The following LDOC1 variants were observed in gnomAD, a reference collection of about 807,000 sequenced individuals.
The protein encoded by LDOC1 is protein LDOC1.
A neutral mutation model predicts 4.9 loss-of-function variants in LDOC1; 1 was observed. The ratio of observed to expected loss-of-function variants is 0.20; its 90% CI spans 0.07 to 0.96. The LOEUF is 0.96. LDOC1 is among the 40% of genes least tolerant of loss of function. The pLI, the probability that LDOC1 is intolerant of heterozygous loss-of-function variation, is 0.62. For missense variants in LDOC1, 76 were observed against 128.1 expected, an observed-to-expected ratio of 0.59 and a Z score of 1.96; for synonymous variants, 55 against 58.3, an observed-to-expected ratio of 0.94 and a Z score of 0.26.
Position 141,177,037 on chromosome X carries a change from A to G in LDOC1, c.-16T>C, listed in dbSNP as rs1556283606. On this transcript the variant is annotated 5_prime_UTR_variant, in exon 1 of 1. Coordinates refer to ENST00000370526, the MANE Select transcript of LDOC1 (RefSeq NM_012317.4). ...CATCCACCATTGCGAACGGCCTGGA[A>G]GGACAGGACTCGGCTCGGTTCGGCT... is the stretch of plus-strand genomic sequence containing the variant. 1 of 1,159,625 alleles carries G rather than the reference A, an allele frequency of 8.6e-7. No homozygotes were observed. Among genetic ancestry groups the G allele is most frequent in the South Asian group, 1.9e-5 (1 of 53,500 alleles).
rs1409487653 is a variant in LDOC1, at chrX:141,176,961, T to C, written c.61A>G (p.Ile21Val). The C allele has an allele frequency of 1.7e-6, 2 of 1,209,146 alleles. No homozygotes were observed. Among genetic ancestry groups the C allele is most frequent in the Admixed American group, 2.2e-5 (1 of 45,902 alleles). ...ALLMRHRALSIENSQLMEQLR... is the reference protein window; with the variant it reads ...ALLMRHRALSVENSQLMEQLR... ...TGTTCCATGAGCTGGCTGTTCTCGA[T>C]GCTCAGGGCGCGGTGCCGCATCAGG... The change falls in exon 1 of 1, where the codon ATC becomes GTC. Residue 21 changes from isoleucine to valine, a missense_variant. Coordinates refer to ENST00000370526, the MANE Select transcript of LDOC1 (RefSeq NM_012317.4).
chrX:141,176,729 C>T lies in LDOC1; in HGVS notation c.293G>A (p.Gly98Glu). The T allele has an allele frequency of 8.3e-7, 1 of 1,210,901 alleles. No individual in the cohort carries two copies. Among genetic ancestry groups the T allele is most frequent in the East Asian group, 3.0e-5 (1 of 33,741 alleles). The change falls in exon 1 of 1, where the codon GGG (glycine) becomes GAG (glutamate). Residue 98 changes from glycine to glutamate, a missense_variant. Coordinates refer to ENST00000370526, the MANE Select transcript of LDOC1 (RefSeq NM_012317.4). ...GGGCACCACCCACTCCTCGGCTTCCCCGGTGAGGAGGCTGATTAGGAATGC... is the reference window on the plus strand; with the variant it reads ...GGGCACCACCCACTCCTCGGCTTCCTCGGTGAGGAGGCTGATTAGGAATGC... ...KVAFLISLLT[G>E]EAEEWVVPYI...
In LDOC1 at chrX:141,177,109, A is replaced by G. The variant is rs1602711558; in HGVS notation, c.-88T>C. On this transcript the variant is annotated 5_prime_UTR_variant, in exon 1 of 1. Transcript: ENST00000370526. ...CCTCGCAGGAAGTGCGTGTCCACGG[A>G]GGCGCTTGGTGGCCAGGGGCGGGGG... The G allele has an allele frequency of 1.1e-4, 35 of 317,303 alleles. No homozygotes were observed. Among genetic ancestry groups the G allele is most frequent in the South Asian group, 5.3e-4 (5 of 9,491 alleles). The allele number at this position is 317,303 out of a possible 1,213,427, so 26.1% of individuals were successfully genotyped here. A position where few individuals can be genotyped will look rare whatever the true frequency, so the allele number is the denominator to read the frequency against.
chrX:141,173,488 TCC>T lies in LDOC1; in HGVS notation c.*3091_*3092del, dbSNP rs1556282497. The T allele has an allele frequency of 9.0e-6, 1 of 111,645 alleles. No homozygotes were observed. Among genetic ancestry groups the T allele is most frequent in the Non-Finnish European group, 1.9e-5 (1 of 53,205 alleles). The allele number at this position is 111,645 out of a possible 1,213,427, so 9.2% of individuals were successfully genotyped here. On this transcript the variant is annotated 3_prime_UTR_variant, in exon 1 of 1. Coordinates refer to ENST00000370526, the MANE Select transcript of LDOC1 (RefSeq NM_012317.4). ...GCTTTATGCCATTATCATGAATTCC[TCC>T]CTGGGTGGTGGAGCCCTTGCCAGTA...
At position 141,176,843 on chromosome X, in the gene LDOC1, T is replaced by C; in HGVS notation, c.179A>G (p.Glu60Gly). 8.3e-7 allele frequency: 1 copy of C among 1,211,785 alleles called. No homozygotes were observed. The highest frequency in any genetic ancestry group is 1.1e-6 in the Non-Finnish European group (1 of 895,514). The change falls in exon 1 of 1, where the codon GAG becomes GGG. Residue 60 changes from glutamate (E) to glycine (G), a missense_variant. Coordinates refer to ENST00000370526, the MANE Select transcript of LDOC1 (RefSeq NM_012317.4). ...PVPFPETFNGESSRLPEFIVQ... is the reference protein window; with the variant it reads ...PVPFPETFNGGSSRLPEFIVQ... Reference sequence around the variant, plus strand: ...GATAAACTCGGGGAGCCGGGAGCTCTCGCCATTAAACGTTTCGGGGAAGGG... The same window carrying C: ...GATAAACTCGGGGAGCCGGGAGCTCCCGCCATTAAACGTTTCGGGGAAGGG...
In LDOC1 at chrX:141,174,808, A is replaced by T. The variant is rs184637017; in HGVS notation, c.*1773T>A. Among the ~76,000 whole-genome samples, 3 of 112,473 alleles carry T rather than the reference A, an allele frequency of 2.7e-5. No homozygotes were observed. Among genetic ancestry groups the T allele is most frequent in the African/African-American group, 6.4e-5 (2 of 31,015 alleles). On this transcript the variant is annotated 3_prime_UTR_variant, in exon 1 of 1. Transcript: ENST00000370526. The stretch of plus-strand genomic sequence containing the variant: ...GTGTTATCTAAATTAATTAAAGGTT[A>T]TAAAGTCAAGTTGGCTCCAGACATG...
Position 141,174,734 on chromosome X carries a change from A to G in LDOC1, c.*1847T>C, listed in dbSNP as rs782173972. Among the ~76,000 whole-genome samples, 3 of 112,561 alleles carry G rather than the reference A, an allele frequency of 2.7e-5. No homozygotes were observed. Among genetic ancestry groups the G allele is most frequent in the Non-Finnish European group, 3.7e-5 (2 of 53,353 alleles). On this transcript the variant is annotated 3_prime_UTR_variant, in exon 1 of 1. Coordinates refer to ENST00000370526, the MANE Select transcript of LDOC1 (RefSeq NM_012317.4). ...CATTTAATCAACACTGAGGTTTACC[A>G]GTACAAATACAATATCTTGCCTCAA...
chrX:141,174,129 C>T lies in LDOC1; in HGVS notation c.*2452G>A, dbSNP rs1189651062. The stretch of plus-strand genomic sequence containing the variant: ...CTAGTTAGGAAGAAAGTGTAATTAT[C>T]TGGCCTCACACATATTATGTCTCAA... On this transcript the variant is annotated 3_prime_UTR_variant, in exon 1 of 1. Transcript: ENST00000370526. Among the ~76,000 whole-genome samples the T allele has an allele frequency of 8.9e-6, 1 of 111,986 alleles. No individual in the cohort carries two copies. The highest frequency in any genetic ancestry group is 1.9e-5 in the Non-Finnish European group (1 of 53,236).
At position 141,176,325 on chromosome X, in the gene LDOC1, C is replaced by T. The variant is rs1186379766; in HGVS notation, c.*256G>A. ...AGCAGGGGAGGGATCCCGGGGATGG[C>T]CAGGGTAGATGACACTTCCAAGCAC... On this transcript the variant is annotated 3_prime_UTR_variant, in exon 1 of 1. Transcript: ENST00000370526. The T allele has an allele frequency of 2.4e-6, 1 of 419,637 alleles. No individual in the cohort carries two copies. The highest frequency in any genetic ancestry group is 4.1e-6 in the Non-Finnish European group (1 of 241,516). 34.6% of individuals were successfully genotyped at this position (419,637 alleles called of 1,213,427 possible). A position where few individuals can be genotyped will look rare whatever the true frequency, so the allele number is the denominator to read the frequency against.
chrX:141,175,967 G>A lies in LDOC1; in HGVS notation c.*614C>T, dbSNP rs2013610274. 2 of 113,866 alleles carry A rather than the reference G, an allele frequency of 1.8e-5. No homozygotes were observed. The highest frequency in any genetic ancestry group is 3.7e-5 in the Non-Finnish European group (2 of 54,161). The allele number at this position is 113,866 out of a possible 1,213,427, so 9.4% of individuals were successfully genotyped here. A position where few individuals can be genotyped will look rare whatever the true frequency, so the allele number is the denominator to read the frequency against. On this transcript the variant is annotated 3_prime_UTR_variant, in exon 1 of 1. Coordinates refer to ENST00000370526, the MANE Select transcript of LDOC1 (RefSeq NM_012317.4). ...CAACAATTTGGCTGCCAGGCACACC[G>A]CGCCCCTGCAGCAATCTGGTGGGGC...
chrX:141,175,314 G>T lies in LDOC1; in HGVS notation c.*1267C>A, dbSNP rs192505736. On this transcript the variant is annotated 3_prime_UTR_variant, in exon 1 of 1. Transcript: ENST00000370526. ...TTGAAAGTGACAATCTACTATGTTG[G>T]CTCTCTGGAGTCTGAACTCAACAGC... 8.9e-6 allele frequency among the ~76,000 whole-genome samples: 1 copy of T among 112,107 alleles called. No individual in the cohort carries two copies. Among genetic ancestry groups the T allele is most frequent in the Non-Finnish European group, 1.9e-5 (1 of 53,249 alleles).
Position 141,176,677 on chromosome X carries a change from T to C in LDOC1, c.345A>G (p.Leu115=), listed in dbSNP as rs782115373. Residue 115 remains leucine (L), a synonymous_variant, in exon 1 of 1, where the codon CTA becomes CTG. Coordinates refer to ENST00000370526, the MANE Select transcript of LDOC1 (RefSeq NM_012317.4). ...CATCGAGGAAGGCCCGGTAATCACC[T>C]AGGATGGGGCTATCCATCTCGATGT... ...VPYIEMDSPI[L]GDYRAFLDEM... The C allele has an allele frequency of 1.5e-4, 182 of 1,210,579 alleles. 3 individuals are homozygous for C. In the South Asian group the frequency reaches 2.9e-3, roughly 19 times the overall value.
In LDOC1 at chrX:141,176,683, G is replaced by A. The variant is rs782706476; in HGVS notation, c.339C>T (p.Pro113=). The A allele has an allele frequency of 1.2e-5, 14 of 1,212,132 alleles. No individual in the cohort carries two copies. In the South Asian group the frequency reaches 2.5e-4, roughly 21 times the overall value. The change falls in exon 1 of 1, where the codon CCC becomes CCT. Residue 113 remains proline, a synonymous_variant. Transcript: ENST00000370526. ...GGAAGGCCCGGTAATCACCTAGGAT[G>A]GGGCTATCCATCTCGATGTAGGGCA... is the stretch of plus-strand genomic sequence containing the variant. ...WVVPYIEMDS[P]ILGDYRAFLD... is the part of the protein sequence containing the mutation.
In LDOC1 at chrX:141,176,572, G is replaced by C. The variant is rs782578628; in HGVS notation, c.*9C>G. 6.7e-6 allele frequency: 8 copies of C among 1,197,522 alleles called. No homozygotes were observed. Among genetic ancestry groups the C allele is most frequent in the African/African-American group, 3.5e-5 (2 of 56,780 alleles). On this transcript the variant is annotated 3_prime_UTR_variant, in exon 1 of 1. Transcript: ENST00000370526. ...GGGCCCTCCCCCCCGAGGCCCGAGGGTCGAGGGCCTAATAATCATCCTCCT... is the reference window on the plus strand; with the variant it reads ...GGGCCCTCCCCCCCGAGGCCCGAGGCTCGAGGGCCTAATAATCATCCTCCT...
At position 141,176,448 on chromosome X, in the gene LDOC1, G is replaced by A; in HGVS notation, c.*133C>T. The stretch of plus-strand genomic sequence containing the variant: ...AGCACTACGGAGAAATGAAGAGAGA[G>A]AGCAGACGGGCGCGGGTAGGTAAGG... On this transcript the variant is annotated 3_prime_UTR_variant, in exon 1 of 1. Transcript: ENST00000370526. 1 of 772,904 alleles carries A rather than the reference G, an allele frequency of 1.3e-6. No homozygotes were observed. Among genetic ancestry groups the A allele is most frequent in the East Asian group, 3.5e-5 (1 of 28,730 alleles). The allele number at this position is 772,904 out of a possible 1,213,427, so 63.7% of individuals were successfully genotyped here.
In LDOC1 at chrX:141,174,587, A is replaced by G. The variant is rs2013597542; in HGVS notation, c.*1994T>C. ...TTCTGAGACTTCTGTTCCCTGGCCC[A>G]GGAGTAACAGCCCATGGTTTGCTGA... On this transcript the variant is annotated 3_prime_UTR_variant, in exon 1 of 1. Coordinates refer to ENST00000370526, the MANE Select transcript of LDOC1 (RefSeq NM_012317.4). Among the ~76,000 whole-genome samples the G allele has an allele frequency of 8.9e-6, 1 of 111,871 alleles. No homozygotes were observed. Among genetic ancestry groups the G allele is most frequent in the Admixed American group, 9.5e-5 (1 of 10,476 alleles).
chrX:141,176,389 A>G lies in LDOC1; in HGVS notation c.*192T>C. 9.5e-6 allele frequency: 5 copies of G among 527,769 alleles called. No individual in the cohort carries two copies. Among genetic ancestry groups the G allele is most frequent in the Non-Finnish European group, 1.5e-5 (5 of 332,638 alleles). The allele number at this position is 527,769 out of a possible 1,213,427, so 43.5% of individuals were successfully genotyped here. ...AGGCTCCAGCCCCGACCCCAGCAGC[A>G]GGTAACTGGAGCGCTATTCCTGGAA... On this transcript the variant is annotated 3_prime_UTR_variant, in exon 1 of 1. Coordinates refer to ENST00000370526, the MANE Select transcript of LDOC1 (RefSeq NM_012317.4).
chrX:141,176,873 G>C lies in LDOC1; in HGVS notation c.149C>G (p.Pro50Arg). 5.0e-6 allele frequency: 6 copies of C among 1,211,643 alleles called. No individual in the cohort carries two copies. The highest frequency in any genetic ancestry group is 6.7e-6 in the Non-Finnish European group (6 of 895,478). Residue 50 changes from proline (P) to arginine (R), a missense_variant, in exon 1 of 1, where the codon CCG becomes CGG. Pro to Arg is a moderately radical substitution (Grantham distance 103). Transcript: ENST00000370526. The stretch of plus-strand genomic sequence containing the variant: ...ATTAAACGTTTCGGGGAAGGGCACC[G>C]GGCAGCTCGGCGGACGTACCTGGCG... ...LLRQVRPPSCPVPFPETFNGE... is the reference protein window; with the variant it reads ...LLRQVRPPSCRVPFPETFNGE...
At position 141,175,011 on chromosome X, in the gene LDOC1, C is replaced by A. The variant is rs1228397741; in HGVS notation, c.*1570G>T. On this transcript the variant is annotated 3_prime_UTR_variant, in exon 1 of 1. Transcript: ENST00000370526. ...AGGTATGCAGCTTCTTCTCAGCAGCCACCCCCTTCACTGCTCTGAACCCTC... is the reference window on the plus strand; with the variant it reads ...AGGTATGCAGCTTCTTCTCAGCAGCAACCCCCTTCACTGCTCTGAACCCTC... Among the ~76,000 whole-genome samples the A allele has an allele frequency of 2.7e-5, 3 of 111,406 alleles. No homozygotes were observed. The highest frequency in any genetic ancestry group is 9.8e-5 in the African/African-American group (3 of 30,619).
Sources: gnomAD v4.1 joint callset for allele counts (sites outside exome capture counted in the v4.1 genomes callset) on GRCh38, gnomAD v4.1.1 for gene constraint, MANE v1.5 for transcripts, NCBI Gene and HGNC (gene_info 2026-07-23, HGNC 2026-07-21) for gene names.